TBL1X: variants seen among roughly 807,000 people sequenced by gnomAD.
TBL1X encodes the protein F-box-like/WD repeat-containing protein TBL1X.
Under a neutral mutation model 50.7 loss-of-function variants are expected in TBL1X, and 10 were observed. The observed-to-expected ratio is 0.20, with a 90% CI of 0.12 to 0.33. The LOEUF (loss-of-function observed/expected upper bound fraction) is 0.33, where lower values mean the gene tolerates loss of function less well. Ranked by LOEUF, TBL1X falls within the 10% of genes least tolerant of loss-of-function variation. TBL1X has a pLI of 1.00. For missense variants in TBL1X, 340 were observed against 504.4 expected (o/e 0.67, Z 3.12); for synonymous variants, 190 against 214.7 (o/e 0.88, Z 1.01).
chrX:9,669,583 T>C (rs2082949220), intron 5 of TBL1X, among the ~76,000 whole-genome samples: 1 of 111,429 alleles, frequency 9.0e-6, no homozygotes, highest in Non-Finnish European at 1.9e-5. Flanking sequence ...CCTAGGACCT[T>C]ATAGCTCACT....
intron 1 of TBL1X, among the ~76,000 whole-genome samples, chrX:9,468,813 G>A (rs1196940740): frequency 1.8e-5 from 2 of 110,302 alleles, no homozygotes; most frequent in Non-Finnish European, 1.9e-5. Flanking sequence ...TGTATTAAAG[G>A]AGATAGAGTT....
intron 5 of TBL1X, among the ~76,000 whole-genome samples, chrX:9,662,942 G>A (rs2082906905): frequency 8.9e-6 from 1 of 111,928 alleles, no homozygotes; most frequent in African/African-American, 3.2e-5. Context: ...GGACAAAAGA[G>A]TGAGACCCTG....
intron 5 of TBL1X, among the ~76,000 whole-genome samples, chrX:9,672,737 C>G (rs991698253): frequency 1.8e-5 from 2 of 111,872 alleles, no homozygotes; most frequent in African/African-American, 6.5e-5. Flanking sequence ...TTGAATGACA[C>G]TTCACGAGCA....
intron 2 of TBL1X, among the ~76,000 whole-genome samples, chrX:9,626,956 G>A (rs2082695754): frequency 8.9e-6 from 1 of 112,421 alleles, no homozygotes; most frequent in Middle Eastern, 4.6e-3. Flanking sequence ...TAGGCCTGAT[G>A]TAAGGTTCCA....
chrX:9,694,711 C>T (rs1390706849), intron 11 of TBL1X, among the ~76,000 whole-genome samples: 1 of 111,789 alleles, frequency 8.9e-6, no homozygotes, highest in African/African-American at 3.3e-5. Context: ...TGGTGGCTCA[C>T]GCCTGTAATC....
chrX:9,578,281 G>C (rs759451579), intron 2 of TBL1X, among the ~76,000 whole-genome samples: 2 of 110,714 alleles, frequency 1.8e-5, no homozygotes, highest in Non-Finnish European at 3.8e-5. Context: ...TGTCTCCCAC[G>C]CTGGAGTGCA....
chrX:9,659,891 A>G (rs1253719677), intron 5 of TBL1X, among the ~76,000 whole-genome samples: 1 of 112,478 alleles, frequency 8.9e-6, no homozygotes, highest in Non-Finnish European at 1.9e-5. Flanking sequence ...AGCCTTCTGG[A>G]CTAATTTCAT....
chrX:9,669,655 C>T lies in TBL1X; in HGVS notation c.212-14388C>T, dbSNP rs147380186. Among the ~76,000 whole-genome samples the T allele has an allele frequency of 8.6e-3, 956 of 111,727 alleles. 11 individuals carry two copies. The highest frequency in any genetic ancestry group is 0.029 in the African/African-American group (905 of 30,708). ...ATCCTAATGCCTTTGTCATGCAAGC[C>T]CTGAAACCCCAACCAGGCACATGTG... On this transcript the variant is annotated intron_variant, in intron 5 of 17. Coordinates refer to ENST00000645353, the MANE Select transcript of TBL1X (RefSeq NM_005647.4).
intron 11 of TBL1X, among the ~76,000 whole-genome samples, chrX:9,696,259 C>T (rs776195121): frequency 8.9e-6 from 1 of 112,179 alleles, no homozygotes; most frequent in Non-Finnish European, 1.9e-5. Context: ...GAGTTATACC[C>T]CAACAAAGAA....
chrX:9,517,244 G>A (rs1373112790), intron 2 of TBL1X, among the ~76,000 whole-genome samples: 1 of 110,763 alleles, frequency 9.0e-6, no homozygotes, highest in Admixed American at 9.7e-5. Context: ...TGTTCTTTGA[G>A]GAAATCCGAG....
chrX:9,651,685 G>A (rs2082836557), intron 3 of TBL1X, among the ~76,000 whole-genome samples: 1 of 112,460 alleles, frequency 8.9e-6, no homozygotes, highest in Non-Finnish European at 1.9e-5. Flanking sequence ...TCTGCATGCT[G>A]TCTTTTGAGA....
intron 6 of TBL1X, among the ~76,000 whole-genome samples, chrX:9,685,138 A>G (rs929511100): frequency 8.9e-6 from 1 of 112,103 alleles, no homozygotes; most frequent in Non-Finnish European, 1.9e-5. Context: ...CACAGTGAGG[A>G]GTTGTGCCAA....
At chrX:9,526,015 C>G (rs2082130280) in intron 2 of TBL1X, among the ~76,000 whole-genome samples, 1 of 110,192 alleles carries the variant, frequency 9.1e-6, no homozygotes, top group South Asian at 3.8e-4. Flanking sequence ...TTGTTTCTTT[C>G]TGTGTCAGAA....
At chrX:9,488,084 A>G (rs2081922933) in intron 1 of TBL1X, among the ~76,000 whole-genome samples, 1 of 112,234 alleles carries the variant, frequency 8.9e-6, no homozygotes, top group African/African-American at 3.2e-5. Flanking sequence ...TTCATGGGAC[A>G]TGATTTTCTG....
At chrX:9,708,434 G>A (rs771380856) in intron 13 of TBL1X, among the ~76,000 whole-genome samples, 2 of 112,088 alleles carry the variant, frequency 1.8e-5, no homozygotes, top group African/African-American at 6.5e-5. Context: ...CATTTGGGTC[G>A]CCCATCTTCC....
At chrX:9,683,501 G>A (rs973754338) in intron 5 of TBL1X, among the ~76,000 whole-genome samples, 5 of 111,672 alleles carry the variant, frequency 4.5e-5, no homozygotes, top group African/African-American at 6.5e-5. Context: ...AGTCCAGGAC[G>A]GCCTCTTCTC....
chrX:9,665,325 A>AAAAGGGTG (rs2082920994), intron 5 of TBL1X, among the ~76,000 whole-genome samples: 1 of 102,433 alleles, frequency 9.8e-6, no homozygotes, highest in Non-Finnish European at 2.0e-5. Flanking sequence ...GTTAACCCGG[A>AAAAGGGTG]AAAGGGTGTT....
intron 3 of TBL1X, among the ~76,000 whole-genome samples, chrX:9,651,169 A>G (rs2082833159): frequency 9.2e-6 from 1 of 109,173 alleles, no homozygotes; most frequent in Admixed American, 9.7e-5. Context: ...CTGGGACTAC[A>G]GGCGTGCACC....
At chrX:9,600,210 C>T (rs28411801) in intron 2 of TBL1X, among the ~76,000 whole-genome samples, 2,873 of 110,733 alleles carry the variant, frequency 0.026, 89 homozygotes, top group African/African-American at 0.089. Flanking sequence ...ATGTATTGCT[C>T]ATAGCTCTGG....
Sources: allele counts gnomAD v4.1 joint callset (sites outside exome capture counted in the v4.1 genomes callset), GRCh38; gene constraint gnomAD v4.1.1; transcripts MANE v1.5; gene names NCBI Gene and HGNC (gene_info 2026-07-23, HGNC 2026-07-21).